ABCB1: variants seen among roughly 807,000 people sequenced by gnomAD.
ABCB1 encodes ATP-dependent translocase ABCB1.
In ABCB1, 69 loss-of-function variants were observed where a neutral mutation model predicts 142.0. The ratio of observed to expected loss-of-function variants is 0.49; its 90% CI spans 0.40 to 0.59. The LOEUF (loss-of-function observed/expected upper bound fraction) is 0.59, where lower values mean the gene tolerates loss of function less well. Among genes scored for constraint, ABCB1 ranks in the 20% least tolerant of loss-of-function variants. The pLI is 0.00. For missense variants in ABCB1, 1,326 were observed against 1,554.7 expected, an observed-to-expected ratio of 0.85 and a Z score of 2.47; for synonymous variants, 532 against 539.2, an observed-to-expected ratio of 0.99 and a Z score of 0.18.
At chr7:87,624,807 G>A (rs1387153826) in intron 1 of ABCB1, among the ~76,000 whole-genome samples, 4 of 152,080 alleles carry the variant, frequency 2.6e-5, no homozygotes, top group African/African-American at 4.8e-5. Context: ...AATGAGAAAA[G>A]CCTTATCAAA....
In ABCB1 at chr7:87,591,575, C is replaced by T. The variant is rs143422085; in HGVS notation, c.117+4191G>A. Among the ~76,000 whole-genome samples, 1,433 of 152,084 alleles carry T rather than the reference C, an allele frequency of 9.4e-3. 15 individuals are homozygous for T. Among genetic ancestry groups the T allele is most frequent in the African/African-American group, 0.033 (1,372 of 41,470 alleles). Reference sequence around the variant, plus strand: ...GGTACTCATGTAATTTATGGAGCGTCGTTGTTGGAACTGAAGCAGTCAGAG... The same window carrying T: ...GGTACTCATGTAATTTATGGAGCGTTGTTGTTGGAACTGAAGCAGTCAGAG... On this transcript the variant is annotated intron_variant, in intron 3 of 27. Coordinates refer to ENST00000622132, the MANE Select transcript of ABCB1 (RefSeq NM_001348946.2).
chr7:87,521,754 AC>A, intron 21 of ABCB1: 1 of 887,276 alleles, frequency 1.1e-6, no homozygotes, highest in Non-Finnish European at 1.9e-6. Context: ...ATTCTCAAAG[AC>A]CAGATGCCCA....
Position 87,677,454 on chromosome 7 carries a change from A to C in ABCB1, c.-331+35707T>G, listed in dbSNP as rs1005380090. Among the ~76,000 whole-genome samples, 5 of 152,140 alleles carry C rather than the reference A, an allele frequency of 3.3e-5. 1 individual carries two copies. Among genetic ancestry groups the C allele is most frequent in the Non-Finnish European group, 7.4e-5 (5 of 68,022 alleles). On this transcript the variant is annotated intron_variant, in intron 1 of 28. Transcript: ENST00000265724. The stretch of plus-strand genomic sequence containing the variant: ...AATACCACGTGATCTCATGTATTAG[A>C]TATGGAGCCTAAAAATAGTCAAACT...
chr7:87,710,656 G>T (rs1188929387), intron 1 of ABCB1: 1 of 1,532,286 alleles, frequency 6.5e-7, no homozygotes, highest in Non-Finnish European at 8.9e-7. Context: ...AAACAACCAG[G>T]TTTAAAAGTC....
chr7:87,610,422 T>C (rs1034732588), intron 1 of ABCB1, among the ~76,000 whole-genome samples: 9 of 137,112 alleles, frequency 6.6e-5, no homozygotes, highest in South Asian at 4.5e-4. Flanking sequence ...TTTTTTTTTT[T>C]CAGAGATAGA....
chr7:87,566,680 C>T, intron 6 of ABCB1, 105 bp downstream of exon 6: 2 of 1,169,462 alleles, frequency 1.7e-6, no homozygotes, highest in South Asian at 1.3e-5. Context: ...CTCATAAGTA[C>T]CTTTGAATGA....
At chr7:87,505,725 T>C (rs947937901) in intron 27 of ABCB1, among the ~76,000 whole-genome samples, 172 bp downstream of exon 27, 8 of 152,332 alleles carry the variant, frequency 5.3e-5, no homozygotes, top group Admixed American at 1.3e-4. Flanking sequence ...TAATCTGCCT[T>C]GTGTCATCTT....
At chr7:87,571,169 A>G (rs943541984) in intron 4 of ABCB1, among the ~76,000 whole-genome samples, 1 of 152,248 alleles carries the variant, frequency 6.6e-6, no homozygotes, top group African/African-American at 2.4e-5. Context: ...AAAAGAGGGG[A>G]AAAACTATTT....
intron 9 of ABCB1, 141 bp downstream of exon 9, chr7:87,553,620 T>C: frequency 1.1e-6 from 1 of 923,592 alleles, no homozygotes; most frequent in Admixed American, 2.2e-5. Flanking sequence ...GTGCCTGGCC[T>C]TCCACTTTTT....
intron 1 of ABCB1, among the ~76,000 whole-genome samples, chr7:87,617,412 A>C (rs1820066161): frequency 6.6e-6 from 1 of 152,244 alleles, no homozygotes; most frequent in Non-Finnish European, 1.5e-5. Context: ...CACTGTGTTA[A>C]AGTTTAGAAA....
chr7:87,590,826 T>C (rs1818972620), intron 3 of ABCB1, among the ~76,000 whole-genome samples: 1 of 152,132 alleles, frequency 6.6e-6, no homozygotes, highest in Admixed American at 6.6e-5. Context: ...GGTTTTAAGG[T>C]AGGGACCAAG....
At chr7:87,520,430 T>A (rs762985789) in intron 22 of ABCB1, among the ~76,000 whole-genome samples, 1 of 152,160 alleles carries the variant, frequency 6.6e-6, no homozygotes, top group Non-Finnish European at 1.5e-5. Flanking sequence ...CCTCTCTGTG[T>A]CCCACAGGTA....
intron 1 of ABCB1, among the ~76,000 whole-genome samples, chr7:87,703,915 T>TTTTTTTTTTTTTTTTTTTTTTTTG (rs1829354102): frequency 5.4e-5 from 1 of 18,530 alleles, no homozygotes; most frequent in Non-Finnish European, 1.1e-4. Context: ...TTTTTTTTGG[T>TTTTTTTTTTTTTTTTTTTTTTTTG]TTTTTTTTTT....
chr7:87,566,658 A>G, intron 6 of ABCB1, 127 bp downstream of exon 6: 1 of 965,014 alleles, frequency 1.0e-6, no homozygotes, highest in Non-Finnish European at 1.6e-6. Context: ...TGCTGCTTAG[A>G]AGGAATTTTG....
upstream of ABCB1, among the ~76,000 whole-genome samples, chr7:87,601,797 C>G (rs1405879286): frequency 1.3e-5 from 2 of 152,182 alleles, no homozygotes; most frequent in African/African-American, 4.8e-5. Flanking sequence ...TCACATATTA[C>G]CTATCAGTTT....
chr7:87,545,022 A>G (rs1584865732), intron 15 of ABCB1, 23 bp from the exon 16 acceptor site: 7 of 1,607,546 alleles, frequency 4.4e-6, no homozygotes, highest in Non-Finnish European at 6.0e-6. Flanking sequence ...AGAAATATGC[A>G]AAAGCTCATT....
intron 27 of ABCB1, among the ~76,000 whole-genome samples, chr7:87,505,381 A>G (rs1184206614): frequency 6.6e-6 from 1 of 152,214 alleles, no homozygotes; most frequent in Non-Finnish European, 1.5e-5. Context: ...CATCCTTGAA[A>G]ACAGACCTCA....
intron 23 of ABCB1, 141 bp downstream of exon 23, chr7:87,519,185 G>T (rs1815377684): frequency 3.9e-6 from 3 of 777,868 alleles, no homozygotes; most frequent in Non-Finnish European, 4.3e-6. Context: ...GGCACATGAA[G>T]ACTCAGAGGC....
At chr7:87,664,379 T>C (rs1344058659) in intron 1 of ABCB1, among the ~76,000 whole-genome samples, 1 of 152,074 alleles carries the variant, frequency 6.6e-6, no homozygotes, top group African/African-American at 2.4e-5. Context: ...CCAAAATTAC[T>C]TTACTTACAA....
Sources: allele counts gnomAD v4.1 joint callset (sites outside exome capture counted in the v4.1 genomes callset), GRCh38; gene constraint gnomAD v4.1.1; transcripts MANE v1.5; gene names NCBI Gene and HGNC (gene_info 2026-07-23, HGNC 2026-07-21).